MTOR: variants seen among roughly 807,000 people sequenced by gnomAD.
MTOR encodes the protein mechanistic target of rapamycin kinase.
Under a neutral mutation model 319.8 loss-of-function variants are expected in MTOR, and 70 were observed. That is an observed-to-expected ratio of 0.22 (90% CI 0.18 to 0.27). The LOEUF (loss-of-function observed/expected upper bound fraction) is 0.27, where lower values mean the gene tolerates loss of function less well. MTOR is among the 10% of genes least tolerant of loss of function. The pLI is 1.00. For synonymous variants in MTOR, 1,183 were observed against 1,211.4 expected, an observed-to-expected ratio of 0.98 and a Z score of 0.49; for missense variants, 1,890 against 3,274.4, an observed-to-expected ratio of 0.58 and a Z score of 10.32.
chr1:11,241,777 G>C, intron 9 of MTOR, 96 bp from the exon 10 acceptor site: 2 of 1,450,972 alleles, frequency 1.4e-6, no homozygotes, highest in Non-Finnish European at 1.9e-6. Flanking sequence ...AGGTTACTCA[G>C]GCAGGGCTAC....
chr1:11,111,975 C>CAAAA, intron 54 of MTOR, among the ~76,000 whole-genome samples: 1 of 151,496 alleles, frequency 6.6e-6, no homozygotes, highest in African/African-American at 2.4e-5. Flanking sequence ...AACAAACAAA[C>CAAAA]AAACAAAAAA....
intron 30 of MTOR, among the ~76,000 whole-genome samples, chr1:11,151,826 C>A (rs1644155726): frequency 6.6e-6 from 1 of 152,170 alleles, no homozygotes; most frequent in Non-Finnish European, 1.5e-5. Context: ...ATGAATGCAT[C>A]CTTCATGCAA....
At position 11,157,142 on chromosome 1, in the gene MTOR, G is replaced by C. The variant is rs1274895915; in HGVS notation, c.4469+10C>G. The C allele has an allele frequency of 6.3e-7, 1 of 1,593,324 alleles. No individual in the cohort carries two copies. The highest frequency in any genetic ancestry group is 1.1e-5 in the South Asian group (1 of 88,116). On this transcript the variant is annotated intron_variant, in intron 30 of 57. Transcript: ENST00000361445. The stretch of plus-strand genomic sequence containing the variant: ...TGCAGCCACACATGCCATCATTCTA[G>C]GAAGCTCACCATTCCCCCAAGGCCT...
chr1:11,238,026 G>A lies in MTOR; in HGVS notation c.2025C>T (p.Val675=). Residue 675 remains valine, a synonymous_variant, in exon 13 of 58, where the codon GTC becomes GTT. Transcript: ENST00000361445. ...TDPDPDIRYC[V]LASLDERFDA... is the part of the protein sequence containing the mutation. ...CAAAGCGCTCGTCCAGGGACGCCAAGACACAGTAGCGAATGTCAGGGTCTG... is the reference window on the plus strand; with the variant it reads ...CAAAGCGCTCGTCCAGGGACGCCAAAACACAGTAGCGAATGTCAGGGTCTG... The A allele has an allele frequency of 6.2e-7, 1 of 1,614,202 alleles. No individual in the cohort carries two copies. The highest frequency in any genetic ancestry group is 1.3e-5 in the African/African-American group (1 of 75,056).
At chr1:11,167,626 G>T in intron 28 of MTOR, 109 bp from the exon 29 acceptor site, 2 of 790,092 alleles carry the variant, frequency 2.5e-6, no homozygotes, top group Non-Finnish European at 2.2e-6. Context: ...ACAATGTCTT[G>T]CAGATGCTGA....
At chr1:11,200,798 A>G (rs923721489) in intron 26 of MTOR, among the ~76,000 whole-genome samples, 5 of 151,792 alleles carry the variant, frequency 3.3e-5, no homozygotes, top group Admixed American at 1.3e-4. Context: ...GGCGGATCAC[A>G]AGGTCAGGAG....
chr1:11,118,002 C>T (rs928597668), intron 49 of MTOR, among the ~76,000 whole-genome samples: 3 of 151,694 alleles, frequency 2.0e-5, no homozygotes, highest in Non-Finnish European at 4.4e-5. Context: ...ATCACTGAAC[C>T]CAGGAGGCAG....
At chr1:11,247,276 G>A (rs939820537) in intron 8 of MTOR, among the ~76,000 whole-genome samples, 82 of 152,304 alleles carry the variant, frequency 5.4e-4, no homozygotes, top group African/African-American at 1.8e-3. Flanking sequence ...GAAGCAGGAC[G>A]ATCCCCAAAC....
chr1:11,245,688 C>G (rs1648715719), intron 8 of MTOR, among the ~76,000 whole-genome samples: 1 of 152,068 alleles, frequency 6.6e-6, no homozygotes, highest in East Asian at 1.9e-4. Context: ...TTGCTTGAGC[C>G]CAGGAGTTCA....
At chr1:11,202,540 G>A (rs968608812) in intron 26 of MTOR, among the ~76,000 whole-genome samples, 1 of 151,090 alleles carries the variant, frequency 6.6e-6, no homozygotes. Context: ...ATGGTTCTAC[G>A]AAAAGCCCAG....
chr1:11,240,803 C>T (rs1647903575), intron 10 of MTOR, among the ~76,000 whole-genome samples: 2 of 152,190 alleles, frequency 1.3e-5, no homozygotes, highest in Admixed American at 1.3e-4. Flanking sequence ...CAAGTCTCAA[C>T]AAACACTCTG....
intron 18 of MTOR, 152 bp from the exon 19 acceptor site, chr1:11,229,070 A>C: frequency 9.9e-7 from 1 of 1,009,372 alleles, no homozygotes; most frequent in Non-Finnish European, 1.5e-6. Context: ...TTCAAGGTCT[A>C]TTAGGAACCA....
At chr1:11,195,035 C>T (rs368312777) in intron 28 of MTOR, 58 of 1,611,870 alleles carry the variant, frequency 3.6e-5, no homozygotes, top group Middle Eastern at 3.8e-4. Context: ...AGGAGGCTGC[C>T]GTGGAGCACG....
At chr1:11,139,032 G>A in intron 36 of MTOR, 1 of 385,076 alleles carries the variant, frequency 2.6e-6, no homozygotes, top group Non-Finnish European at 4.6e-6. Context: ...TAGAAAGTGT[G>A]CCCTTTCTAT....
chr1:11,203,850 A>G (rs1488494355), intron 26 of MTOR, among the ~76,000 whole-genome samples: 3 of 152,202 alleles, frequency 2.0e-5, no homozygotes, highest in Non-Finnish European at 2.9e-5. Flanking sequence ...GCAAGGCAGA[A>G]GTGACTCTTC....
At chr1:11,232,020 AAATT>A (rs1469319476) in intron 16 of MTOR, among the ~76,000 whole-genome samples, 3 of 152,104 alleles carry the variant, frequency 2.0e-5, no homozygotes, top group African/African-American at 7.2e-5. Flanking sequence ...GCCCAGAAAT[AAATT>A]AAGACTGTTC....
In MTOR at chr1:11,209,437, C is replaced by A. The variant is rs762992446; in HGVS notation, c.3676G>T (p.Glu1226Ter). 6.2e-7 allele frequency: 1 copy of A among 1,614,182 alleles called. No individual in the cohort carries two copies. The highest frequency in any genetic ancestry group is 8.5e-7 in the Non-Finnish European group (1 of 1,180,034). ...IVKGYTLADE[E>*]EDPLIYQHRM... is the part of the protein sequence containing the mutation. ...TGCTGGTAAATCAAAGGATCCTCCTCTTCATCAGCAAGTGTGTATCCCTAC... is the reference window on the plus strand; with the variant it reads ...TGCTGGTAAATCAAAGGATCCTCCTATTCATCAGCAAGTGTGTATCCCTAC... Residue 1226 changes from glutamate (E) to a stop codon, truncating the protein, a stop_gained, in exon 25 of 58, where the codon GAG becomes TAG. Transcript: ENST00000361445. LOFTEE classifies it high-confidence loss of function.
intron 28 of MTOR, chr1:11,193,534 C>T (rs766926875): frequency 2.0e-6 from 3 of 1,532,050 alleles, no homozygotes; most frequent in Non-Finnish European, 2.6e-6. Flanking sequence ...TTGCTCCTGC[C>T]TTCTGCCCCT....
intron 25 of MTOR, among the ~76,000 whole-genome samples, chr1:11,206,029 C>T (rs931503307): frequency 6.6e-6 from 1 of 152,166 alleles, no homozygotes; most frequent in African/African-American, 2.4e-5. Context: ...ATGTCAAAAA[C>T]CGAAGCAGAA....
Sources: gnomAD v4.1 joint callset for allele counts (sites outside exome capture counted in the v4.1 genomes callset) on GRCh38, gnomAD v4.1.1 for gene constraint, MANE v1.5 for transcripts, NCBI Gene and HGNC (gene_info 2026-07-23, HGNC 2026-07-21) for gene names.